Variants in ALG14 observed in about 807,000 individuals in gnomAD.
ALG14 encodes the protein UDP-N-acetylglucosamine transferase subunit ALG14.
Under a neutral mutation model 22.8 loss-of-function variants are expected in ALG14, and 17 were observed. That is an observed-to-expected ratio of 0.75 (90% CI 0.51 to 1.12). The LOEUF (loss-of-function observed/expected upper bound fraction) is 1.12, where lower values mean the gene tolerates loss of function less well. Among genes scored for constraint, ALG14 ranks in the 50% most tolerant of loss-of-function variants. The probability of loss-of-function intolerance (pLI) is 0.00; values close to 1 mark genes in which losing one functional copy is unlikely to be tolerated. For missense variants in ALG14, 288 were observed against 271.8 expected, an observed-to-expected ratio of 1.06 and a Z score of -0.42; for synonymous variants, 89 against 103.7, an observed-to-expected ratio of 0.86 and a Z score of 0.86.
chr1:95,072,460 T>C (rs890648790), intron 1 of ALG14, among the ~76,000 whole-genome samples: 2 of 152,200 alleles, frequency 1.3e-5, no homozygotes, highest in East Asian at 1.9e-4. Flanking sequence ...ACGGGGAAAC[T>C]GCATGTTTGC....
intron 2 of ALG14, among the ~76,000 whole-genome samples, chr1:95,043,620 G>A (rs1674451233): frequency 6.6e-6 from 1 of 152,244 alleles, no homozygotes; most frequent in Admixed American, 6.5e-5. Flanking sequence ...GGATGAGGGA[G>A]TGACATTGCA....
At chr1:95,057,548 A>G (rs896918545) in intron 2 of ALG14, among the ~76,000 whole-genome samples, 3 of 151,356 alleles carry the variant, frequency 2.0e-5, no homozygotes, top group African/African-American at 2.4e-5. Context: ...GGATTTTGGC[A>G]TCCGTGCAAG....
intron 2 of ALG14, among the ~76,000 whole-genome samples, chr1:95,050,895 T>G (rs1674724248): frequency 6.8e-6 from 1 of 147,474 alleles, no homozygotes; most frequent in Non-Finnish European, 1.5e-5. Flanking sequence ...AGACGGGGTC[T>G]CACTGTGTCA....
chr1:95,015,635 GA>G (rs1327331912), intron 3 of ALG14, among the ~76,000 whole-genome samples: 4 of 152,222 alleles, frequency 2.6e-5, no homozygotes, highest in Non-Finnish European at 5.9e-5. Context: ...GGTTTGGACG[GA>G]TGTCCTTGAA....
In ALG14 at chr1:95,044,663, T is replaced by C. The variant is rs1026957170; in HGVS notation, c.289-17403A>G. On this transcript the variant is annotated intron_variant, in intron 2 of 3. Coordinates refer to ENST00000370205, the MANE Select transcript of ALG14 (RefSeq NM_144988.4). ...CCCAGTTCCCCATCCCTGTGCAATC[T>C]GCCCCCACAGCACTGATCACCTTCT... Among the ~76,000 whole-genome samples, 112 of 152,284 alleles carry C rather than the reference T, an allele frequency of 7.4e-4. 2 individuals carry two copies. Among genetic ancestry groups the C allele is most frequent in the Admixed American group, 6.6e-3 (101 of 15,272 alleles).
At chr1:95,027,983 A>C (rs1673874232) in intron 2 of ALG14, among the ~76,000 whole-genome samples, 1 of 152,258 alleles carries the variant, frequency 6.6e-6, no homozygotes, top group African/African-American at 2.4e-5. Flanking sequence ...ATACAGTAAA[A>C]TATATGGAGA....
At chr1:95,017,894 G>A (rs1428247336) in intron 3 of ALG14, among the ~76,000 whole-genome samples, 3 of 152,202 alleles carry the variant, frequency 2.0e-5, no homozygotes, top group East Asian at 3.9e-4. Flanking sequence ...AGAAGTAAGT[G>A]GTTTTGAATG....
chr1:94,987,044 G>A (rs1012233036), intron 3 of ALG14, among the ~76,000 whole-genome samples: 4 of 152,130 alleles, frequency 2.6e-5, no homozygotes, highest in Non-Finnish European at 5.9e-5. Context: ...ATTTTCTACT[G>A]TTCTGGAACT....
chr1:95,039,147 A>G (rs1451389721), intron 2 of ALG14, among the ~76,000 whole-genome samples: 1 of 152,196 alleles, frequency 6.6e-6, no homozygotes, highest in East Asian at 1.9e-4. Context: ...TTCTTGCCAG[A>G]GGAAGCAGCG....
chr1:95,058,616 T>TAAA (rs61435505), intron 2 of ALG14, among the ~76,000 whole-genome samples: 1 of 99,304 alleles, frequency 1.0e-5, no homozygotes, highest in African/African-American at 3.9e-5. Context: ...GATTCATTCT[T>TAAA]AAAAAAAAAA....
At chr1:95,010,776 A>G (rs34726676) in intron 3 of ALG14, among the ~76,000 whole-genome samples, 26,278 of 152,152 alleles carry the variant, frequency 0.17, 2,508 homozygotes, top group African/African-American at 0.25. Context: ...ACAAAAATGA[A>G]TTAGTTCCTT....
intron 3 of ALG14, among the ~76,000 whole-genome samples, chr1:95,003,484 T>C (rs1223462868): frequency 1.3e-5 from 2 of 151,516 alleles, no homozygotes; most frequent in Admixed American, 6.6e-5. Flanking sequence ...GGGTCTTGCT[T>C]TACTGCCCGG....
At position 95,072,826 on chromosome 1, in the gene ALG14, C is replaced by A; in HGVS notation, c.73G>T (p.Val25Leu). Residue 25 changes from valine to leucine, a missense_variant, in exon 1 of 4, where the codon GTG (valine) becomes TTG (leucine). Transcript: ENST00000370205. ...AVFLILRIWV[V>L]LRSMDVTPRE... ...GGCGTAACGTCCATGGAACGAAGCA[C>A]TACCCATATTCGCAGGATTAGGAAA... 1 of 1,614,176 alleles carries A rather than the reference C, an allele frequency of 6.2e-7. No individual in the cohort carries two copies. The highest frequency in any genetic ancestry group is 8.5e-7 in the Non-Finnish European group (1 of 1,180,042).
intron 1 of ALG14, 68 bp from the exon 2 acceptor site, chr1:95,065,085 T>TA (rs1675310572): frequency 4.2e-6 from 6 of 1,428,182 alleles, no homozygotes; most frequent in Non-Finnish European, 5.6e-6. Flanking sequence ...GACCATGTTA[T>TA]ACCAATATCA....
intron 2 of ALG14, among the ~76,000 whole-genome samples, chr1:95,033,462 C>T (rs895084642): frequency 1.3e-5 from 2 of 151,092 alleles, no homozygotes; most frequent in Non-Finnish European, 2.9e-5. Context: ...TATATACACA[C>T]ACACACACAT....
chr1:95,018,577 C>T (rs72720240), intron 3 of ALG14, among the ~76,000 whole-genome samples: 11,299 of 151,596 alleles, frequency 0.075, 452 homozygotes, highest in African/African-American at 0.1. Flanking sequence ...AAAAAAGGGA[C>T]GGAAGGAAGG....
At chr1:95,000,984 C>A (rs1216117417) in intron 3 of ALG14, among the ~76,000 whole-genome samples, 2 of 152,180 alleles carry the variant, frequency 1.3e-5, no homozygotes, top group Non-Finnish European at 2.9e-5. Context: ...GTCTCCACAG[C>A]CACAATAGGA....
At chr1:94,997,458 T>A (rs376228072) in intron 3 of ALG14, among the ~76,000 whole-genome samples, 2 of 152,250 alleles carry the variant, frequency 1.3e-5, no homozygotes, top group East Asian at 3.9e-4. Context: ...ATGAAGCCCC[T>A]GTTTATTGAA....
intron 2 of ALG14, among the ~76,000 whole-genome samples, chr1:95,048,238 T>C (rs1674624603): frequency 6.6e-6 from 1 of 152,260 alleles, no homozygotes; most frequent in African/African-American, 2.4e-5. Flanking sequence ...TTAAGTGGCC[T>C]GAAAGTTGGC....
Sources: allele counts gnomAD v4.1 joint callset (sites outside exome capture counted in the v4.1 genomes callset), GRCh38; gene constraint gnomAD v4.1.1; transcripts MANE v1.5; gene names NCBI Gene and HGNC (gene_info 2026-07-23, HGNC 2026-07-21).